Variants in STARD13 observed in about 807,000 individuals in gnomAD.
The protein encoded by STARD13 is StAR related lipid transfer domain containing 13.
A neutral mutation model predicts 106.4 loss-of-function variants in STARD13; 62 were observed. The ratio of observed to expected loss-of-function variants is 0.58; its 90% CI spans 0.48 to 0.72. STARD13 has a LOEUF of 0.72. Ranked by LOEUF, STARD13 falls within the 30% of genes least tolerant of loss-of-function variation. The pLI is 0.00. For missense variants in STARD13, 1,387 were observed against 1,424.0 expected, an observed-to-expected ratio of 0.97 and a Z score of 0.42; for synonymous variants, 565 against 553.0, an observed-to-expected ratio of 1.02 and a Z score of -0.31.
At chr13:33,241,554 C>T (rs979393570) in intron 1 of STARD13, among the ~76,000 whole-genome samples, 35 of 150,732 alleles carry the variant, frequency 2.3e-4, no homozygotes, top group Admixed American at 1.1e-3. Flanking sequence ...CCTCCCCCTC[C>T]CCCTCTCCCC....
the STARD13 span, among the ~76,000 whole-genome samples, chr13:33,650,100 C>G: frequency 7.1e-6 from 1 of 141,060 alleles, no homozygotes; most frequent in Non-Finnish European, 1.5e-5. Flanking sequence ...GAGTGACAAA[C>G]AGTCACTTTT....
the STARD13 span, among the ~76,000 whole-genome samples, chr13:33,471,807 T>C: frequency 1.3e-5 from 2 of 152,160 alleles, no homozygotes; most frequent in East Asian, 3.8e-4. Context: ...CAGCATTAAA[T>C]TGCCAAGCTG....
At chr13:33,590,400 A>G in the STARD13 span, among the ~76,000 whole-genome samples, 7 of 152,008 alleles carry the variant, frequency 4.6e-5, no homozygotes, top group African/African-American at 1.5e-4. Flanking sequence ...ACATGCACAC[A>G]TATGTTTATT....
intron 1 of STARD13, among the ~76,000 whole-genome samples, chr13:33,200,974 C>T (rs1030999155): frequency 1.3e-5 from 2 of 151,194 alleles, no homozygotes; most frequent in Non-Finnish European, 2.9e-5. Flanking sequence ...TGCAGTGAGC[C>T]GAGATTGTGC....
At chr13:33,139,104 C>T (rs1168175218) in intron 4 of STARD13, among the ~76,000 whole-genome samples, 2 of 152,276 alleles carry the variant, frequency 1.3e-5, no homozygotes, top group African/African-American at 2.4e-5. Flanking sequence ...GACTTTAGTA[C>T]AGATGGCAAG....
At chr13:33,368,640 A>G in the STARD13 span, among the ~76,000 whole-genome samples, 1 of 152,174 alleles carries the variant, frequency 6.6e-6, no homozygotes, top group African/African-American at 2.4e-5. Context: ...TGCTGGAGAT[A>G]GCAACATAGG....
At chr13:33,366,170 C>T in the STARD13 span, among the ~76,000 whole-genome samples, 119,171 of 151,922 alleles carry the variant, frequency 0.78, 47,068 homozygotes, top group East Asian at 0.95. The surrounding 1 kb of genome is among the most constrained non-coding windows in gnomAD (Gnocchi z 4.2). Flanking sequence ...TCAATGAATG[C>T]ATCACTTATA....
intron 1 of STARD13, among the ~76,000 whole-genome samples, chr13:33,284,966 A>C (rs1344868589): frequency 2.0e-5 from 3 of 152,230 alleles, no homozygotes; most frequent in Non-Finnish European, 4.4e-5. Context: ...TGACATAAAC[A>C]TACAAACAGG....
chr13:33,583,364 G>T, the STARD13 span, among the ~76,000 whole-genome samples: 3 of 152,122 alleles, frequency 2.0e-5, no homozygotes, highest in African/African-American at 7.2e-5. Context: ...TTATCCTACC[G>T]AAGGAAGTCT....
the STARD13 span, among the ~76,000 whole-genome samples, chr13:33,487,988 A>G: frequency 6.6e-6 from 1 of 152,120 alleles, no homozygotes; most frequent in Admixed American, 6.5e-5. Flanking sequence ...GCTTCAAAGC[A>G]TCTAATCCTC....
At chr13:33,648,966 A>ATT in the STARD13 span, among the ~76,000 whole-genome samples, 5 of 150,038 alleles carry the variant, frequency 3.3e-5, no homozygotes, top group Admixed American at 2.0e-4. Context: ...CTAATTTTGT[A>ATT]TTTTTTTTAG....
At chr13:33,127,797 A>G (rs1441428342) in intron 5 of STARD13, among the ~76,000 whole-genome samples, 1 of 148,918 alleles carries the variant, frequency 6.7e-6, no homozygotes, top group Non-Finnish European at 1.5e-5. Context: ...AGGAAATATT[A>G]TGTTTGTTTA....
At chr13:33,289,002 G>A (rs560833947), upstream of STARD13, among the ~76,000 whole-genome samples, 1 of 152,310 alleles carries the variant, frequency 6.6e-6, no homozygotes, top group Admixed American at 6.5e-5. Flanking sequence ...CAGGTCTGTT[G>A]TATTAGAATC....
chr13:33,194,269 C>T (rs898438320), intron 1 of STARD13, among the ~76,000 whole-genome samples: 2 of 151,980 alleles, frequency 1.3e-5, no homozygotes, highest in Non-Finnish European at 2.9e-5. Context: ...ATATACTTCA[C>T]TTCAAAAAAA....
chr13:33,567,475 A>T, the STARD13 span, among the ~76,000 whole-genome samples: 2 of 148,442 alleles, frequency 1.3e-5, 1 homozygote, highest in Non-Finnish European at 3.0e-5. Flanking sequence ...GTGAAATTTC[A>T]TATAATTAAT....
the STARD13 span, among the ~76,000 whole-genome samples, chr13:33,529,187 C>A: frequency 6.6e-6 from 1 of 152,120 alleles, no homozygotes; most frequent in South Asian, 2.1e-4. Flanking sequence ...CAGACTAAGA[C>A]GAAAGTTAGT....
At chr13:33,194,077 TTA>T (rs1886442845) in intron 1 of STARD13, among the ~76,000 whole-genome samples, 1 of 152,182 alleles carries the variant, frequency 6.6e-6, no homozygotes, top group Non-Finnish European at 1.5e-5. Flanking sequence ...CTTATTTCAC[TTA>T]TATAGGGAAA....
At chr13:33,116,845 A>G (rs1024802564) in intron 8 of STARD13, among the ~76,000 whole-genome samples, 2 of 152,254 alleles carry the variant, frequency 1.3e-5, no homozygotes, top group African/African-American at 4.8e-5. Context: ...CTGTTTTCAC[A>G]AGTGGTTCTG....
chr13:33,527,126 GTTTAA>G, the STARD13 span, among the ~76,000 whole-genome samples: 11 of 151,908 alleles, frequency 7.2e-5, no homozygotes, highest in African/African-American at 2.4e-4. Context: ...AGTTTTAAGG[GTTTAA>G]TTTAATATCT....
Sources: allele counts gnomAD v4.1 joint callset (sites outside exome capture counted in the v4.1 genomes callset), GRCh38; gene constraint gnomAD v4.1.1; non-coding constraint Gnocchi (gnomAD v3.1); transcripts MANE v1.5; gene names NCBI Gene and HGNC (gene_info 2026-07-23, HGNC 2026-07-21).